The following AGTPBP1 variants were observed in gnomAD, a reference collection of about 807,000 sequenced individuals.
AGTPBP1 encodes ATP/GTP binding carboxypeptidase 1, also known as cytosolic carboxypeptidase 1.
Under a neutral mutation model 143.9 loss-of-function variants are expected in AGTPBP1, and 70 were observed. That is an observed-to-expected ratio of 0.49 (90% CI 0.40 to 0.59). AGTPBP1 has a LOEUF of 0.59. Ranked by LOEUF, AGTPBP1 falls within the 20% of genes least tolerant of loss-of-function variation. The pLI is 0.00. For synonymous variants in AGTPBP1, 463 were observed against 500.2 expected, an observed-to-expected ratio of 0.93 and a Z score of 0.99; for missense variants, 1,229 against 1,464.5, an observed-to-expected ratio of 0.84 and a Z score of 2.62.
At chr9:85,672,223 C>G (rs1393627987) in intron 7 of AGTPBP1, among the ~76,000 whole-genome samples, 2 of 152,216 alleles carry the variant, frequency 1.3e-5, no homozygotes, top group African/African-American at 4.8e-5. Flanking sequence ...CGCCCACCAC[C>G]ATGCCCAGCT....
At chr9:85,612,372 AT>A (rs947063702) in intron 17 of AGTPBP1, among the ~76,000 whole-genome samples, 2 of 152,192 alleles carry the variant, frequency 1.3e-5, no homozygotes, top group Non-Finnish European at 2.9e-5. Flanking sequence ...AAAACACGGG[AT>A]TCAGAGAGCT....
intron 25 of AGTPBP1, among the ~76,000 whole-genome samples, chr9:85,550,796 G>A (rs748528406): frequency 6.6e-5 from 10 of 152,122 alleles, no homozygotes; most frequent in Non-Finnish European, 1.2e-4. Flanking sequence ...CTACAAGCAA[G>A]TCCTGCCACT....
Position 85,634,193 on chromosome 9 carries a change from C to CAAAAA in AGTPBP1, c.1303-824_1303-820dup, listed in dbSNP as rs112565067. ...TGAGTGACAAAGTGAGACTCTCTCT[C>CAAAAA]AAAAAAAAAAAAAAAAAAAAAAAGG... On this transcript the variant is annotated intron_variant, in intron 13 of 25. Transcript: ENST00000357081. Among the ~76,000 whole-genome samples, 31 of 56,312 alleles carry CAAAAA rather than the reference C, an allele frequency of 5.5e-4. 1 individual carries two copies. The highest frequency in any genetic ancestry group is 1.6e-3 in the African/African-American group (28 of 17,628). The allele number at this position is 56,312 out of a possible 152,430, so 36.9% of individuals were successfully genotyped here.
At chr9:85,794,448 C>T in the AGTPBP1 span, among the ~76,000 whole-genome samples, 4 of 152,112 alleles carry the variant, frequency 2.6e-5, no homozygotes, top group Non-Finnish European at 5.9e-5. Flanking sequence ...TGTCTTCATA[C>T]ATTTGTTGAA....
the AGTPBP1 span, among the ~76,000 whole-genome samples, chr9:85,790,515 A>G: frequency 5.9e-5 from 9 of 152,208 alleles, no homozygotes; most frequent in Non-Finnish European, 1.2e-4. Context: ...TGACCCCAAC[A>G]TGACTCCAAC....
At chr9:85,653,007 TGTGA>T (rs1833264144) in intron 11 of AGTPBP1, among the ~76,000 whole-genome samples, 1 of 152,196 alleles carries the variant, frequency 6.6e-6, no homozygotes, top group African/African-American at 2.4e-5. Context: ...TCAGAAATGC[TGTGA>T]GTAAAAGAGT....
At chr9:85,636,912 A>T (rs1382971126) in intron 13 of AGTPBP1, among the ~76,000 whole-genome samples, 1 of 152,170 alleles carries the variant, frequency 6.6e-6, no homozygotes, top group Non-Finnish European at 1.5e-5. Context: ...AAGCAAAAAA[A>T]GTATATGTTA....
intron 3 of AGTPBP1, among the ~76,000 whole-genome samples, chr9:85,688,615 C>A (rs571729466): frequency 6.6e-6 from 1 of 152,228 alleles, no homozygotes; most frequent in East Asian, 1.9e-4. Flanking sequence ...TTAGCAACAA[C>A]CATGGGTCAA....
chr9:85,577,449 T>G (rs1289684293), intron 24 of AGTPBP1, among the ~76,000 whole-genome samples: 1 of 152,210 alleles, frequency 6.6e-6, no homozygotes, highest in African/African-American at 2.4e-5. Flanking sequence ...TTAACAACAG[T>G]TGTCCACTGA....
chr9:85,741,187 G>C, intron 1 of AGTPBP1: 2 of 982,522 alleles, frequency 2.0e-6, no homozygotes, highest in Non-Finnish European at 2.4e-6. Flanking sequence ...AAGGCGACAA[G>C]TTGTAAACAG....
chr9:85,555,415 T>C lies in AGTPBP1; in HGVS notation c.3504-8129A>G, dbSNP rs866656703. Among the ~76,000 whole-genome samples, 5 of 152,152 alleles carry C rather than the reference T, an allele frequency of 3.3e-5. No individual in the cohort carries two copies. In the Middle Eastern group the frequency reaches 0.014, roughly 414 times the overall value. The stretch of plus-strand genomic sequence containing the variant: ...GAAATCGAGACCATCCTGGGGAACA[T>C]GGTGAAACCCCCGTCTCTATTAAAA... On this transcript the variant is annotated intron_variant, in intron 25 of 25. Transcript: ENST00000357081.
chr9:85,736,088 T>C (rs1167396381), intron 1 of AGTPBP1, among the ~76,000 whole-genome samples: 1 of 152,200 alleles, frequency 6.6e-6, no homozygotes, highest in Non-Finnish European at 1.5e-5. Flanking sequence ...TTTCACGTTG[T>C]GCCTTCACTG....
At chr9:85,684,009 T>A (rs970976483) in intron 3 of AGTPBP1, among the ~76,000 whole-genome samples, 1 of 150,108 alleles carries the variant, frequency 6.7e-6, no homozygotes, top group African/African-American at 2.5e-5. Flanking sequence ...TGCTCCTACA[T>A]CAGAGTAAAA....
At chr9:85,731,428 G>A (rs1008484554) in intron 1 of AGTPBP1, among the ~76,000 whole-genome samples, 7 of 151,584 alleles carry the variant, frequency 4.6e-5, no homozygotes, top group African/African-American at 1.7e-4. Flanking sequence ...TTTTTTTTTC[G>A]GGGAGGGAAG....
At chr9:85,657,338 T>C in intron 10 of AGTPBP1, 97 bp downstream of exon 10, 1 of 1,051,806 alleles carries the variant, frequency 9.5e-7, no homozygotes, top group Non-Finnish European at 1.4e-6. Flanking sequence ...TTATCCTGTG[T>C]ATACGTTTCT....
At chr9:85,640,376 A>G (rs1422077076) in intron 13 of AGTPBP1, among the ~76,000 whole-genome samples, 1 of 152,246 alleles carries the variant, frequency 6.6e-6, no homozygotes, top group Non-Finnish European at 1.5e-5. Context: ...ACGATATGCT[A>G]TTTCCTATTA....
intron 6 of AGTPBP1, among the ~76,000 whole-genome samples, chr9:85,675,640 T>C (rs1363066805): frequency 4.6e-5 from 7 of 152,230 alleles, no homozygotes; most frequent in Non-Finnish European, 1.0e-4. Context: ...GACACACTTG[T>C]GACCCAAAAC....
chr9:85,648,295 T>C (rs1392605625), intron 11 of AGTPBP1, among the ~76,000 whole-genome samples: 1 of 152,246 alleles, frequency 6.6e-6, no homozygotes, highest in Non-Finnish European at 1.5e-5. Context: ...ACTGTGCTAC[T>C]GGGTCTCTTT....
At chr9:85,788,069 T>G in the AGTPBP1 span, 1 of 152,170 alleles carries the variant, frequency 6.6e-6, no homozygotes, top group Non-Finnish European at 1.5e-5. Flanking sequence ...CAAAACAAAC[T>G]TATAAAAAGG....
Sources: allele counts gnomAD v4.1 joint callset (sites outside exome capture counted in the v4.1 genomes callset), GRCh38; gene constraint gnomAD v4.1.1; transcripts MANE v1.5; gene names NCBI Gene and HGNC (gene_info 2026-07-23, HGNC 2026-07-21).